The following FHIP2A variants were observed in gnomAD, a reference collection of about 807,000 sequenced individuals.
FHIP2A encodes the protein FHF complex subunit HOOK interacting protein 2A, also known as family with sequence similarity 160 member B1.
Under a neutral mutation model 93.5 loss-of-function variants are expected in FHIP2A, and 46 were observed. The observed-to-expected ratio is 0.49, with a 90% CI of 0.39 to 0.63. FHIP2A has a LOEUF of 0.63. Among genes scored for constraint, FHIP2A ranks in the 20% least tolerant of loss-of-function variants. The pLI is 0.00. For missense variants in FHIP2A, 769 were observed against 909.7 expected, an observed-to-expected ratio of 0.85 and a Z score of 1.99; for synonymous variants, 332 against 326.5, an observed-to-expected ratio of 1.02 and a Z score of -0.18.
chr10:114,897,113 C>T (rs1390313519), intron 16 of FHIP2A, among the ~76,000 whole-genome samples: 2 of 152,232 alleles, frequency 1.3e-5, no homozygotes, highest in Non-Finnish European at 2.9e-5. Context: ...CATGCTTATA[C>T]TGGTCCAAGC....
intron 16 of FHIP2A, among the ~76,000 whole-genome samples, chr10:114,890,794 A>G (rs771333955): frequency 1.3e-5 from 2 of 149,320 alleles, no homozygotes; most frequent in African/African-American, 4.9e-5. Flanking sequence ...CATATATTAT[A>G]TATGTTTCAG....
At chr10:114,833,665 G>A (rs1275353330) in intron 3 of FHIP2A, among the ~76,000 whole-genome samples, 2 of 152,002 alleles carry the variant, frequency 1.3e-5, no homozygotes, top group East Asian at 3.9e-4. Flanking sequence ...ACTCAAGTAC[G>A]TGAGCTCAGA....
intron 1 of FHIP2A, among the ~76,000 whole-genome samples, chr10:114,825,105 C>A (rs1352571799): frequency 2.0e-5 from 3 of 152,322 alleles, no homozygotes; most frequent in African/African-American, 7.2e-5. Flanking sequence ...GCAGCCTCAA[C>A]CTCCAGGGCT....
At position 114,847,246 on chromosome 10, in the gene FHIP2A, A is replaced by G. The variant is rs2083706999; in HGVS notation, c.1712+13A>G. The G allele has an allele frequency of 6.3e-7, 1 of 1,589,888 alleles. No individual in the cohort carries two copies. The highest frequency in any genetic ancestry group is 1.9e-5 in the Admixed American group (1 of 52,978). ...AAATTGTAAATAGGTGAGTTGCTAT[A>G]TAAAATTTGACTTCCATCTCTCTTG... is the stretch of plus-strand genomic sequence containing the variant. On this transcript the variant is annotated intron_variant, in intron 12 of 16. Transcript: ENST00000369248.
intron 1 of FHIP2A, among the ~76,000 whole-genome samples, chr10:114,830,304 G>A (rs1056375361): frequency 2.4e-5 from 3 of 122,790 alleles, no homozygotes; most frequent in African/African-American, 6.7e-5. Context: ...ATAGAATCTC[G>A]TTCTGTCATC....
At position 114,861,246 on chromosome 10, in the gene FHIP2A, A is replaced by G. The variant is rs2083796967; in HGVS notation, c.2104A>G (p.Met702Val). ...SVIVRVVGDLMLRIQRIQDFT... is the reference protein window; with the variant it reads ...SVIVRVVGDLVLRIQRIQDFT... The stretch of plus-strand genomic sequence containing the variant: ...TGTGATGCAGGTTGTTGGAGACCTT[A>G]TGCTTCGAATCCAGCGTATTCAAGA... Residue 702 changes from methionine (M) to valine (V), a missense_variant, in exon 16 of 17, where the codon ATG becomes GTG. By Grantham distance (21) the Met-to-Val change is conservative (BLOSUM62 1). Coordinates refer to ENST00000369248, the MANE Select transcript of FHIP2A (RefSeq NM_020940.4). The G allele has an allele frequency of 6.2e-7, 1 of 1,614,188 alleles. No individual in the cohort carries two copies. The highest frequency in any genetic ancestry group is 1.3e-5 in the African/African-American group (1 of 75,054).
intron 13 of FHIP2A, among the ~76,000 whole-genome samples, chr10:114,853,815 A>G (rs781583863): frequency 6.6e-6 from 1 of 152,156 alleles, no homozygotes; most frequent in Non-Finnish European, 1.5e-5. Context: ...CCTGGCCAAC[A>G]TGGTGAAACC....
chr10:114,843,353 TG>T lies in FHIP2A; in HGVS notation c.816+129del, dbSNP rs1409767618. ...TGGAGTCTTGCTGTGTTGTCCAGGC[TG>T]GAGTACAGTGGTGCGATCTTGGCTC... is the stretch of plus-strand genomic sequence containing the variant. On this transcript the variant is annotated intron_variant, in intron 6 of 16. Coordinates refer to ENST00000369248, the MANE Select transcript of FHIP2A (RefSeq NM_020940.4). The T allele has an allele frequency of 1.4e-5, 8 of 560,484 alleles. No homozygotes were observed. The Admixed American group carries it at 2.2e-4, about 15-fold the overall frequency. 34.7% of individuals were successfully genotyped at this position (560,484 alleles called of 1,614,324 possible). A position where few individuals can be genotyped will look rare whatever the true frequency, so the allele number is the denominator to read the frequency against.
intron 16 of FHIP2A, among the ~76,000 whole-genome samples, chr10:114,879,768 T>G (rs2083907682): frequency 6.6e-6 from 1 of 152,116 alleles, no homozygotes; most frequent in Admixed American, 6.6e-5. Context: ...GCTGATTGCC[T>G]GGCGTAATAC....
chr10:114,892,226 T>A (rs559938768), intron 16 of FHIP2A, among the ~76,000 whole-genome samples: 1 of 152,312 alleles, frequency 6.6e-6, no homozygotes, highest in South Asian at 2.1e-4. Context: ...AACATACTTA[T>A]CAAAAAATCT....
downstream of FHIP2A, among the ~76,000 whole-genome samples, chr10:114,869,367 C>G (rs1301231017): frequency 6.6e-6 from 1 of 152,096 alleles, no homozygotes; most frequent in Non-Finnish European, 1.5e-5. Flanking sequence ...TCCTGTTGCT[C>G]TTATCAACAA....
rs775135830 is a variant in FHIP2A at position 114,848,637 on chromosome 10, T to G, written c.1713-10T>G. On this transcript the variant is annotated splice_polypyrimidine_tract_variant and intron_variant, in intron 12 of 16. Coordinates refer to ENST00000369248, the MANE Select transcript of FHIP2A (RefSeq NM_020940.4). ...GACATCTTGCATAATTGTGGCCGTT[T>G]TCATTTAAGTTTTCTCTGTCTGGTA... is the stretch of plus-strand genomic sequence containing the variant. 2 of 1,584,858 alleles carry G rather than the reference T, an allele frequency of 1.3e-6. No homozygotes were observed. Among genetic ancestry groups the G allele is most frequent in the South Asian group, 2.2e-5 (2 of 89,520 alleles).
In FHIP2A at chr10:114,833,544, A is replaced by G. The variant is rs2083620349; in HGVS notation, c.294+142A>G. On this transcript the variant is annotated intron_variant, in intron 3 of 16. Transcript: ENST00000369248. The stretch of plus-strand genomic sequence containing the variant: ...AAGTTAAGATTGTAGAAAAAAGAAA[A>G]TTGTGTAGCCTATACAAATATGTCC... The G allele has an allele frequency of 3.5e-5, 27 of 767,098 alleles. No homozygotes were observed. In the South Asian group the frequency reaches 4.3e-4, roughly 12 times the overall value. The allele number at this position is 767,098 out of a possible 1,614,324, so 47.5% of individuals were successfully genotyped here.
intron 16 of FHIP2A, among the ~76,000 whole-genome samples, chr10:114,889,283 A>G (rs2083958769): frequency 6.6e-6 from 1 of 152,228 alleles, no homozygotes; most frequent in South Asian, 2.1e-4. Flanking sequence ...CTCAAACATT[A>G]TAAAAGAAGG....
intron 16 of FHIP2A, among the ~76,000 whole-genome samples, chr10:114,887,701 C>A (rs1050198731): frequency 6.6e-6 from 1 of 152,172 alleles, no homozygotes; most frequent in African/African-American, 2.4e-5. Flanking sequence ...TACTGCATCA[C>A]CTGATATGTG....
intron 16 of FHIP2A, among the ~76,000 whole-genome samples, chr10:114,878,857 T>C (rs1405936226): frequency 1.3e-5 from 2 of 152,004 alleles, no homozygotes; most frequent in Non-Finnish European, 2.9e-5. Context: ...CTACAATCTG[T>C]TCTTTCCTAA....
chr10:114,863,749 A>G lies in FHIP2A; in HGVS notation c.*2209A>G, dbSNP rs935734691. 1.4e-5 allele frequency: 18 copies of G among 1,285,224 alleles called. No individual in the cohort carries two copies. The highest frequency in any genetic ancestry group is 1.7e-5 in the Non-Finnish European group (17 of 983,028). The allele number at this position is 1,285,224 out of a possible 1,614,324, so 79.6% of individuals were successfully genotyped here. On this transcript the variant is annotated 3_prime_UTR_variant, in exon 17 of 17. Coordinates refer to ENST00000369248, the MANE Select transcript of FHIP2A (RefSeq NM_020940.4). ...TTTCTTACCTTCTGTTGACAGCTGA[A>G]TATTTCTGTTACTCAGTACTTGCAA...
chr10:114,898,721 G>C (rs1371969508), intron 16 of FHIP2A, among the ~76,000 whole-genome samples: 1 of 152,092 alleles, frequency 6.6e-6, no homozygotes, highest in African/African-American at 2.4e-5. Context: ...CCTGATTGCA[G>C]CCTGACTGAT....
intron 2 of FHIP2A, among the ~76,000 whole-genome samples, chr10:114,832,804 C>G (rs931993686): frequency 6.6e-6 from 1 of 151,460 alleles, no homozygotes; most frequent in Non-Finnish European, 1.5e-5. Flanking sequence ...CTCCACCTCC[C>G]AGGTTCAAGA....
Sources: allele counts gnomAD v4.1 joint callset (sites outside exome capture counted in the v4.1 genomes callset), GRCh38; gene constraint gnomAD v4.1.1; transcripts MANE v1.5; gene names NCBI Gene and HGNC (gene_info 2026-07-23, HGNC 2026-07-21).